The following PTPRD variants were observed in gnomAD, a reference collection of about 807,000 sequenced individuals.
The protein encoded by PTPRD is protein tyrosine phosphatase receptor type D.
A neutral mutation model predicts 214.5 loss-of-function variants in PTPRD; 34 were observed. That is an observed-to-expected ratio of 0.16 (90% confidence interval 0.12 to 0.21). The LOEUF (loss-of-function observed/expected upper bound fraction) is 0.21, where lower values mean the gene tolerates loss of function less well. Among genes scored for constraint, PTPRD ranks in the 10% least tolerant of loss-of-function variants. The pLI is 1.00. For missense variants in PTPRD, 2,545 were observed against 2,398.7 expected (o/e 1.06, Z -1.27); for synonymous variants, 1,128 against 845.7 (o/e 1.33, Z -5.79).
In PTPRD at chr9:10,564,171, C is replaced by CTTTTTTTTTTTTTTT. The variant is rs71332760; in HGVS notation, c.-600+48212_-600+48226dup. Among the ~76,000 whole-genome samples, 124 of 29,404 alleles carry CTTTTTTTTTTTTTTT rather than the reference C, an allele frequency of 4.2e-3. 30 individuals are homozygous for CTTTTTTTTTTTTTTT. The highest frequency in any genetic ancestry group is 0.024 in the East Asian group (20 of 846). The allele number at this position is 29,404 out of a possible 152,430, so 19.3% of individuals were successfully genotyped here. On this transcript the variant is annotated intron_variant, in intron 2 of 45. Transcript: ENST00000381196. ...GTGTGCACCACCACACTAGGCTATT[C>CTTTTTTTTTTTTTTT]TTTTTTTTTTTTTTTTTTTTTTTTG...
chr9:9,370,232 C>A (rs1034299158), intron 9 of PTPRD, among the ~76,000 whole-genome samples: 3 of 152,128 alleles, frequency 2.0e-5, no homozygotes, highest in African/African-American at 7.2e-5. Flanking sequence ...ATTGATTCCT[C>A]CTACCCATGA....
intron 8 of PTPRD, among the ~76,000 whole-genome samples, chr9:9,543,826 C>A (rs2078145301): frequency 6.6e-6 from 1 of 151,634 alleles, no homozygotes; most frequent in South Asian, 2.1e-4. Context: ...ATGAAAATAA[C>A]TGCTTTTGGG....
intron 14 of PTPRD, among the ~76,000 whole-genome samples, chr9:8,630,460 G>C (rs1325480200): frequency 1.3e-5 from 2 of 151,632 alleles, no homozygotes; most frequent in East Asian, 1.9e-4. Flanking sequence ...GTGACTCCAG[G>C]AAACAAAAAT....
chr9:10,595,419 A>G (rs1339204723), intron 2 of PTPRD, among the ~76,000 whole-genome samples: 1 of 151,844 alleles, frequency 6.6e-6, no homozygotes, highest in African/African-American at 2.4e-5. Context: ...GTGATAATTC[A>G]GTAAGCTTCT....
At chr9:10,481,545 G>A (rs924121675) in intron 2 of PTPRD, among the ~76,000 whole-genome samples, 1 of 152,110 alleles carries the variant, frequency 6.6e-6, no homozygotes, top group African/African-American at 2.4e-5. Context: ...TGCCTGATTT[G>A]TGTGTTATCA....
intron 6 of PTPRD, among the ~76,000 whole-genome samples, chr9:9,765,952 G>A (rs112994079): frequency 6.6e-6 from 1 of 152,126 alleles, no homozygotes; most frequent in Non-Finnish European, 1.5e-5. Flanking sequence ...GTGAGCCACC[G>A]CGCCCAGCCC....
At chr9:9,528,793 T>C (rs1301295850) in intron 8 of PTPRD, among the ~76,000 whole-genome samples, 1 of 151,116 alleles carries the variant, frequency 6.6e-6, no homozygotes, top group Non-Finnish European at 1.5e-5. Flanking sequence ...CAGAAGACAA[T>C]GGAAAGACAT....
At chr9:8,663,019 A>C (rs2097095371) in intron 12 of PTPRD, among the ~76,000 whole-genome samples, 1 of 152,168 alleles carries the variant, frequency 6.6e-6, no homozygotes, top group African/African-American at 2.4e-5. Flanking sequence ...GGATAACTCT[A>C]AACTTCTCAG....
chr9:10,359,723 C>T lies in PTPRD; in HGVS notation c.-599-18706G>A, dbSNP rs1361286572. On this transcript the variant is annotated intron_variant, in intron 2 of 45. Coordinates refer to ENST00000381196, the MANE Select transcript of PTPRD (RefSeq NM_002839.4). The stretch of plus-strand genomic sequence containing the variant: ...AGTGTAATTAAACCTATTTAACATA[C>T]ATTAACTCTATAAGTAATTTGCATA... Among the ~76,000 whole-genome samples, 5 of 152,234 alleles carry T rather than the reference C, an allele frequency of 3.3e-5. No individual in the cohort carries two copies. The South Asian group carries it at 6.2e-4, about 19-fold the overall frequency.
intron 3 of PTPRD, among the ~76,000 whole-genome samples, chr9:10,287,092 G>A (rs1049579826): frequency 3.9e-5 from 6 of 152,164 alleles, no homozygotes; most frequent in South Asian, 2.1e-4. Flanking sequence ...TTACTCAGGC[G>A]ACTAACTTAC....
At chr9:9,822,919 A>G (rs2051295120) in intron 5 of PTPRD, among the ~76,000 whole-genome samples, 1 of 152,144 alleles carries the variant, frequency 6.6e-6, no homozygotes, top group South Asian at 2.1e-4. Context: ...CGTCCACAGA[A>G]AAGTTAAAAA....
intron 3 of PTPRD, among the ~76,000 whole-genome samples, chr9:10,231,854 C>T (rs999995592): frequency 2.0e-5 from 3 of 151,666 alleles, no homozygotes; most frequent in Non-Finnish European, 2.9e-5. Flanking sequence ...TTTGGCAGCA[C>T]CCTGTAGAGG....
At chr9:10,237,345 G>A (rs1284917067) in intron 3 of PTPRD, among the ~76,000 whole-genome samples, 2 of 151,796 alleles carry the variant, frequency 1.3e-5, no homozygotes, top group Non-Finnish European at 2.9e-5. Context: ...TCATTGTTAT[G>A]CTGAATTAAT....
At chr9:9,978,649 T>C (rs1041232249) in intron 4 of PTPRD, among the ~76,000 whole-genome samples, 1 of 152,072 alleles carries the variant, frequency 6.6e-6, no homozygotes, top group Non-Finnish European at 1.5e-5. Flanking sequence ...CACGCATGCA[T>C]GTATAGATGT....
intron 8 of PTPRD, among the ~76,000 whole-genome samples, chr9:9,558,315 T>C (rs1289804591): frequency 1.3e-5 from 2 of 152,204 alleles, no homozygotes; most frequent in African/African-American, 2.4e-5. Flanking sequence ...AGTGGAGTTA[T>C]ACATCTGTGC....
At chr9:9,267,667 AG>A (rs1454201571) in intron 9 of PTPRD, among the ~76,000 whole-genome samples, 1 of 151,332 alleles carries the variant, frequency 6.6e-6, no homozygotes, top group African/African-American at 2.4e-5. Context: ...GCTTATTAAA[AG>A]GATCATATAC....
At chr9:8,464,818 TTCTC>T (rs149346672) in intron 32 of PTPRD, among the ~76,000 whole-genome samples, 3,973 of 151,728 alleles carry the variant, frequency 0.026, 155 homozygotes, top group African/African-American at 0.089. Flanking sequence ...ACCTTAGGAA[TTCTC>T]TCTTTTATTA....
intron 5 of PTPRD, among the ~76,000 whole-genome samples, chr9:9,781,117 A>G (rs1219264608): frequency 6.6e-6 from 1 of 152,200 alleles, no homozygotes; most frequent in Non-Finnish European, 1.5e-5. Context: ...GGTGGACATT[A>G]GGTATTAGTC....
intron 11 of PTPRD, among the ~76,000 whole-genome samples, chr9:8,776,254 G>A (rs757389543): frequency 6.6e-6 from 1 of 152,168 alleles, no homozygotes; most frequent in Non-Finnish European, 1.5e-5. Context: ...TTTGCCATGG[G>A]TAAAATGGGA....
Sources: allele counts gnomAD v4.1 joint callset (sites outside exome capture counted in the v4.1 genomes callset), GRCh38; gene constraint gnomAD v4.1.1; transcripts MANE v1.5; gene names NCBI Gene and HGNC (gene_info 2026-07-23, HGNC 2026-07-21).